The following TNPO1 variants were observed in gnomAD, a reference collection of about 807,000 sequenced individuals.
TNPO1 encodes the protein transportin 1.
Under a neutral mutation model 119.5 loss-of-function variants are expected in TNPO1, and 8 were observed. The ratio of observed to expected loss-of-function variants is 0.07; its 90% CI spans 0.04 to 0.12. The LOEUF is 0.12. TNPO1 is among the 10% of genes least tolerant of loss of function. TNPO1 has a pLI of 1.00. For synonymous variants in TNPO1, 362 were observed against 363.0 expected (o/e 1.00, Z 0.03); for missense variants, 576 against 1,089.8 (o/e 0.53, Z 6.64).
intron 2 of TNPO1, among the ~76,000 whole-genome samples, chr5:72,849,349 ACATT>A (rs1174908734): frequency 6.6e-6 from 1 of 152,316 alleles, no homozygotes; most frequent in East Asian, 1.9e-4. Flanking sequence ...AGTAAAGGAA[ACATT>A]CACTCTATAT....
chr5:72,847,732 C>T (rs1224343337), intron 1 of TNPO1, among the ~76,000 whole-genome samples: 1 of 152,126 alleles, frequency 6.6e-6, no homozygotes, highest in Non-Finnish European at 1.5e-5. Context: ...AAGTCAAGTT[C>T]TGCAAATGTT....
intron 1 of TNPO1, among the ~76,000 whole-genome samples, chr5:72,831,983 A>G (rs1744496049): frequency 6.6e-6 from 1 of 152,006 alleles, no homozygotes; most frequent in South Asian, 2.1e-4. Context: ...TAATAGCCCC[A>G]TCAGTTGAAG....
At chr5:72,864,465 T>A (rs888135287) in intron 5 of TNPO1, among the ~76,000 whole-genome samples, 39 of 152,318 alleles carry the variant, frequency 2.6e-4, no homozygotes, top group African/African-American at 8.9e-4. Context: ...GTACAAAGTC[T>A]CTGGATTATC....
chr5:72,904,331 G>C (rs1461080717), intron 23 of TNPO1, among the ~76,000 whole-genome samples: 1 of 152,206 alleles, frequency 6.6e-6, no homozygotes, highest in Non-Finnish European at 1.5e-5. Flanking sequence ...TTGCTTGGAT[G>C]ACTTCTCTAC....
At chr5:72,868,851 AC>A (rs1342120669) in intron 6 of TNPO1, among the ~76,000 whole-genome samples, 1 of 152,032 alleles carries the variant, frequency 6.6e-6, no homozygotes, top group East Asian at 1.9e-4. Flanking sequence ...TACTAAAGAT[AC>A]AAAAAATTAG....
chr5:72,873,461 C>G (rs1314830662), intron 7 of TNPO1, among the ~76,000 whole-genome samples: 1 of 152,004 alleles, frequency 6.6e-6, no homozygotes, highest in African/African-American at 2.4e-5. Flanking sequence ...CTTAAATTGA[C>G]CAGCTTCTTT....
intron 3 of TNPO1, among the ~76,000 whole-genome samples, chr5:72,852,284 A>G (rs1193372518): frequency 6.6e-6 from 1 of 152,216 alleles, no homozygotes; most frequent in African/African-American, 2.4e-5. Flanking sequence ...TTCTAATAAT[A>G]TGTAACGCAT....
chr5:72,903,060 T>A (rs1749907176), intron 22 of TNPO1, among the ~76,000 whole-genome samples: 1 of 152,168 alleles, frequency 6.6e-6, no homozygotes, highest in Non-Finnish European at 1.5e-5. Context: ...ATAGGCAAGA[T>A]TGAGAATATT....
At chr5:72,866,613 G>C (rs1746925490) in intron 6 of TNPO1, among the ~76,000 whole-genome samples, 1 of 152,132 alleles carries the variant, frequency 6.6e-6, no homozygotes, top group South Asian at 2.1e-4. Context: ...AATTAGCTGG[G>C]CATGGTGTCA....
At chr5:72,873,734 A>G (rs1244575092) in intron 7 of TNPO1, among the ~76,000 whole-genome samples, 2 of 152,116 alleles carry the variant, frequency 1.3e-5, no homozygotes, top group Non-Finnish European at 1.5e-5. Flanking sequence ...GTCTCAGTTT[A>G]GTAGCTTTTA....
chr5:72,900,190 C>A, intron 21 of TNPO1, 109 bp downstream of exon 21: 2 of 914,488 alleles, frequency 2.2e-6, no homozygotes, highest in Middle Eastern at 3.4e-4. Flanking sequence ...AATCCTTTAT[C>A]ATTGCCAACC....
chr5:72,883,939 A>G (rs1243469906), intron 11 of TNPO1, among the ~76,000 whole-genome samples: 7 of 149,354 alleles, frequency 4.7e-5, no homozygotes, highest in African/African-American at 1.7e-4. Flanking sequence ...TTTGGTAGAG[A>G]CAGTTTTGCC....
At chr5:72,851,555 C>T (rs1415523124) in intron 3 of TNPO1, among the ~76,000 whole-genome samples, 3 of 152,092 alleles carry the variant, frequency 2.0e-5, no homozygotes, top group African/African-American at 7.2e-5. Flanking sequence ...TGCAGTGGTG[C>T]GATCTTGGCT....
intron 20 of TNPO1, among the ~76,000 whole-genome samples, chr5:72,898,345 AGTTT>A (rs1217998163): frequency 3.9e-5 from 6 of 152,236 alleles, no homozygotes; most frequent in African/African-American, 1.4e-4. Context: ...TTTGTTACAT[AGTTT>A]GTTTAACAAA....
Position 72,913,721 on chromosome 5 carries a change from T to G in TNPO1, c.*5048T>G, listed in dbSNP as rs1035447875. The G allele has an allele frequency of 6.6e-6, 1 of 152,558 alleles. No individual in the cohort carries two copies. The highest frequency in any genetic ancestry group is 2.4e-5 in the African/African-American group (1 of 41,466). The allele number at this position is 152,558 out of a possible 1,614,324, so 9.5% of individuals were successfully genotyped here. A position where few individuals can be genotyped will look rare whatever the true frequency, so the allele number is the denominator to read the frequency against. Reference sequence around the variant, plus strand: ...AACATGGTTAGCCTATAAGGCAGTGTTGGTCCCCTTCTAATATTGGCCTCA... The same window carrying G: ...AACATGGTTAGCCTATAAGGCAGTGGTGGTCCCCTTCTAATATTGGCCTCA... On this transcript the variant is annotated 3_prime_UTR_variant, in exon 25 of 25. Coordinates refer to ENST00000337273, the MANE Select transcript of TNPO1 (RefSeq NM_002270.4).
chr5:72,866,377 G>A (rs1267508479), intron 6 of TNPO1, among the ~76,000 whole-genome samples: 3 of 152,134 alleles, frequency 2.0e-5, no homozygotes, highest in African/African-American at 7.2e-5. Flanking sequence ...ACGTTTCCAG[G>A]AAGTTTCCCC....
chr5:72,862,956 C>T (rs1381193889), intron 5 of TNPO1, among the ~76,000 whole-genome samples: 2 of 148,932 alleles, frequency 1.3e-5, no homozygotes, highest in African/African-American at 2.5e-5. Context: ...CCATTGTCTT[C>T]GTTGTAATCA....
At chr5:72,863,035 T>G (rs1746594733) in intron 5 of TNPO1, among the ~76,000 whole-genome samples, 1 of 149,270 alleles carries the variant, frequency 6.7e-6, no homozygotes, top group South Asian at 2.1e-4. Flanking sequence ...TGGTTTTTTT[T>G]GTTGTTTTTT....
intron 20 of TNPO1, among the ~76,000 whole-genome samples, chr5:72,899,005 G>C (rs556068965): frequency 6.6e-6 from 1 of 151,848 alleles, no homozygotes. Context: ...TTACATGTAC[G>C]TACCTTTGAA....
Sources: allele counts gnomAD v4.1 joint callset (sites outside exome capture counted in the v4.1 genomes callset), GRCh38; gene constraint gnomAD v4.1.1; transcripts MANE v1.5; gene names NCBI Gene and HGNC (gene_info 2026-07-23, HGNC 2026-07-21).